The following RBFOX1 variants were observed in gnomAD, a reference collection of about 807,000 sequenced individuals.
RBFOX1 encodes the protein RNA binding protein fox-1 homolog 1.
In RBFOX1, 8 loss-of-function variants were observed where a neutral mutation model predicts 57.7. The ratio of observed to expected loss-of-function variants is 0.14; its 90% CI spans 0.08 to 0.25. RBFOX1 has a LOEUF of 0.25. RBFOX1 is among the 10% of genes least tolerant of loss of function. The probability of loss-of-function intolerance (pLI) is 1.00; values close to 1 mark genes in which losing one functional copy is unlikely to be tolerated. For synonymous variants in RBFOX1, 326 were observed against 222.4 expected (o/e 1.47, Z -4.15); for missense variants, 611 against 548.5 (o/e 1.11, Z -1.14).
intron 3 of RBFOX1, among the ~76,000 whole-genome samples, chr16:5,785,883 G>A (rs570127598): frequency 2.0e-5 from 3 of 152,170 alleles, no homozygotes; most frequent in South Asian, 2.1e-4. Context: ...CTGTCATTAC[G>A]TTAGACCACA....
At chr16:5,481,179 T>C (rs917031339) in intron 2 of RBFOX1, among the ~76,000 whole-genome samples, 13 of 152,208 alleles carry the variant, frequency 8.5e-5, no homozygotes, top group African/African-American at 3.1e-4. Context: ...CCTCAAAATG[T>C]TGAGTTGATT....
intron 4 of RBFOX1, among the ~76,000 whole-genome samples, chr16:7,360,141 T>C (rs1182079345): frequency 6.6e-6 from 1 of 152,226 alleles, no homozygotes; most frequent in Non-Finnish European, 1.5e-5. Flanking sequence ...TGGAACTTTA[T>C]CTCATGTATA....
At chr16:7,161,173 A>T (rs993163023) in intron 4 of RBFOX1, among the ~76,000 whole-genome samples, 2 of 152,110 alleles carry the variant, frequency 1.3e-5, no homozygotes, top group Non-Finnish European at 2.9e-5. Context: ...GGGTGATTGG[A>T]AGTGGCTATC....
At chr16:5,566,626 A>T (rs539032283) in intron 2 of RBFOX1, among the ~76,000 whole-genome samples, 1 of 149,396 alleles carries the variant, frequency 6.7e-6, no homozygotes, top group African/African-American at 2.5e-5. Context: ...ATATGTATGT[A>T]TATATGTGTA....
rs369688798 is a variant in RBFOX1 at position 5,736,333 on chromosome 16, T to A, written c.319-130970T>A. 2.1e-4 allele frequency among the ~76,000 whole-genome samples: 32 copies of A among 152,276 alleles called. No individual in the cohort carries two copies. The East Asian group carries it at 3.5e-3, about 17-fold the overall frequency. On this transcript the variant is annotated intron_variant, in intron 3 of 19. Coordinates refer to the RBFOX1 transcript ENST00000641259. ...TGTGTCAGAATCAGATGTGTCACTATCTATAGCGACCCCTCCTCCCATCTT... is the reference window on the plus strand; with the variant it reads ...TGTGTCAGAATCAGATGTGTCACTAACTATAGCGACCCCTCCTCCCATCTT...
At chr16:7,007,817 C>T (rs570686237) in intron 3 of RBFOX1, among the ~76,000 whole-genome samples, 2 of 152,164 alleles carry the variant, frequency 1.3e-5, no homozygotes, top group African/African-American at 4.8e-5. Flanking sequence ...CCTGCACGCT[C>T]CTGTGCGTTT....
At chr16:5,830,745 G>A (rs1567599167) in intron 3 of RBFOX1, among the ~76,000 whole-genome samples, 2 of 152,278 alleles carry the variant, frequency 1.3e-5, no homozygotes, top group South Asian at 4.2e-4. Context: ...ATTGCAGTGT[G>A]CCTGCTGGAC....
At chr16:7,143,291 G>A (rs1046957421) in intron 4 of RBFOX1, among the ~76,000 whole-genome samples, 2 of 151,996 alleles carry the variant, frequency 1.3e-5, no homozygotes, top group African/African-American at 4.8e-5. Flanking sequence ...GCGTCCAACT[G>A]TTTTCCAGCC....
chr16:6,429,774 C>T (rs780285396), intron 2 of RBFOX1, among the ~76,000 whole-genome samples: 88 of 152,264 alleles, frequency 5.8e-4, no homozygotes, highest in Non-Finnish European at 9.7e-4. Context: ...GTCTTGCTTT[C>T]CCCTTTGTCT....
At chr16:5,594,963 C>A (rs1420898053) in intron 2 of RBFOX1, among the ~76,000 whole-genome samples, 1 of 112,576 alleles carries the variant, frequency 8.9e-6, no homozygotes, top group African/African-American at 3.6e-5. Flanking sequence ...AAAACCCTGT[C>A]TCTACTAAAA....
At chr16:7,388,450 A>C (rs1299906287) in intron 4 of RBFOX1, among the ~76,000 whole-genome samples, 4 of 152,072 alleles carry the variant, frequency 2.6e-5, no homozygotes, top group Non-Finnish European at 5.9e-5. Flanking sequence ...GGATACAACA[A>C]ATATGGATTT....
intron 4 of RBFOX1, among the ~76,000 whole-genome samples, chr16:7,063,378 T>G (rs994352714): frequency 2.0e-5 from 3 of 152,114 alleles, no homozygotes; most frequent in African/African-American, 7.2e-5. Context: ...TCAGAGGAAC[T>G]TGTGATGTTA....
intron 3 of RBFOX1, among the ~76,000 whole-genome samples, chr16:6,659,582 G>A (rs1450539091): frequency 2.0e-5 from 3 of 152,168 alleles, no homozygotes; most frequent in Non-Finnish European, 1.5e-5. Flanking sequence ...TGACTTGCCT[G>A]AGATCACTCA....
At chr16:6,887,869 C>T (rs181003234) in intron 3 of RBFOX1, among the ~76,000 whole-genome samples, 17 of 152,044 alleles carry the variant, frequency 1.1e-4, no homozygotes, top group Non-Finnish European at 1.5e-4. Context: ...GCCATGTTGG[C>T]CAGGCTGGTC....
chr16:7,118,566 C>T (rs1025432131), intron 4 of RBFOX1, among the ~76,000 whole-genome samples: 1 of 152,080 alleles, frequency 6.6e-6, no homozygotes, highest in African/African-American at 2.4e-5. Context: ...CCTGTGCCCC[C>T]AAAGCTACTG....
At chr16:6,075,242 A>G (rs1487645524) in intron 1 of RBFOX1, among the ~76,000 whole-genome samples, 1 of 152,236 alleles carries the variant, frequency 6.6e-6, no homozygotes, top group Non-Finnish European at 1.5e-5. Flanking sequence ...GCCATTACCG[A>G]TGCATAAACT....
At chr16:6,277,665 CAAAAAA>C (rs60150908) in intron 1 of RBFOX1, among the ~76,000 whole-genome samples, 5 of 119,070 alleles carry the variant, frequency 4.2e-5, no homozygotes, top group Admixed American at 8.6e-5. Flanking sequence ...GACCTTGTCT[CAAAAAA>C]AAAAAAAAAA....
At chr16:6,195,315 G>T (rs2097172736) in intron 1 of RBFOX1, among the ~76,000 whole-genome samples, 1 of 152,106 alleles carries the variant, frequency 6.6e-6, no homozygotes, top group African/African-American at 2.4e-5. Context: ...TTTAACTCTT[G>T]ACTTTTGTTG....
chr16:5,973,744 GTTCA>G (rs2060008685), intron 4 of RBFOX1, among the ~76,000 whole-genome samples: 1 of 152,138 alleles, frequency 6.6e-6, no homozygotes, highest in Non-Finnish European at 1.5e-5. Flanking sequence ...TTCATTCTTT[GTTCA>G]TTCATTCAAT....
Sources: gnomAD v4.1 joint callset for allele counts (sites outside exome capture counted in the v4.1 genomes callset) on GRCh38, gnomAD v4.1.1 for gene constraint, MANE v1.5 for transcripts, NCBI Gene and HGNC (gene_info 2026-07-23, HGNC 2026-07-21) for gene names.